Variants in DCAF8L2 observed in about 807,000 individuals in gnomAD.
DCAF8L2 encodes the protein DDB1 and CUL4 associated factor 8 like 2, also known as DDB1- and CUL4-associated factor 8-like protein 2.
For synonymous variants in DCAF8L2, 200 were observed against 190.9 expected (o/e 1.05, Z -0.39); for missense variants, 430 against 490.7 (o/e 0.88, Z 1.17).
In DCAF8L2 at chrX:27,689,226, G is replaced by C. The variant is rs1047902563; in HGVS notation, c.-143+11314G>C. On this transcript the variant is annotated intron_variant, in intron 3 of 4. Coordinates refer to ENST00000451261, the MANE Select transcript of DCAF8L2 (RefSeq NM_001353450.2). ...AAATGTACTCACATATACACCACAA[G>C]ATTGATTGACTGATTGATTGATTGA... 2.7e-5 allele frequency among the ~76,000 whole-genome samples: 3 copies of C among 112,042 alleles called. No homozygotes were observed. The Admixed American group carries it at 2.8e-4, about 11-fold the overall frequency.
At chrX:27,670,258 G>A (rs1175997625) in intron 2 of DCAF8L2, among the ~76,000 whole-genome samples, 1 of 110,322 alleles carries the variant, frequency 9.1e-6, no homozygotes, top group East Asian at 2.9e-4. Flanking sequence ...GTTCAGTCAG[G>A]GCCCCGATTT....
At chrX:27,612,430 GC>G (rs775930362) in intron 1 of DCAF8L2, among the ~76,000 whole-genome samples, 22 of 112,124 alleles carry the variant, frequency 2.0e-4, no homozygotes, top group South Asian at 7.4e-4. Context: ...CTTTTGCTGT[GC>G]AGAAGCTCTT....
At chrX:27,514,397 C>T in the DCAF8L2 span, among the ~76,000 whole-genome samples, 3 of 109,646 alleles carry the variant, frequency 2.7e-5, no homozygotes, top group Non-Finnish European at 3.8e-5. Context: ...CGGCCGCGCG[C>T]GGTGGCTCAC....
the DCAF8L2 span, among the ~76,000 whole-genome samples, chrX:27,487,322 C>T: frequency 8.9e-6 from 1 of 112,019 alleles, no homozygotes; most frequent in Admixed American, 9.5e-5. Context: ...TGCTCCGTCA[C>T]CTAGGCTGGA....
At chrX:27,547,834 TC>T in the DCAF8L2 span, among the ~76,000 whole-genome samples, 1 of 97,103 alleles carries the variant, frequency 1.0e-5, no homozygotes, top group Non-Finnish European at 2.0e-5. Flanking sequence ...TCTCTCTCTC[TC>T]TCTCTCTCTT....
At chrX:27,530,293 A>C in the DCAF8L2 span, among the ~76,000 whole-genome samples, 2 of 110,611 alleles carry the variant, frequency 1.8e-5, no homozygotes, top group Admixed American at 9.7e-5. Flanking sequence ...GTCCCTTGCA[A>C]GATCTTCCCA....
intron 4 of DCAF8L2, among the ~76,000 whole-genome samples, chrX:27,739,427 G>A (rs904572980): frequency 9.0e-6 from 1 of 111,372 alleles, no homozygotes; most frequent in Non-Finnish European, 1.9e-5. Flanking sequence ...TTCTCATATT[G>A]TTCTCCTACA....
chrX:27,506,184 A>G, the DCAF8L2 span, among the ~76,000 whole-genome samples: 4 of 111,874 alleles, frequency 3.6e-5, no homozygotes, highest in African/African-American at 1.3e-4. Flanking sequence ...ATGTTATCAC[A>G]CATTTATAAA....
At chrX:27,697,246 T>G (rs1930958638) in intron 3 of DCAF8L2, among the ~76,000 whole-genome samples, 1 of 111,667 alleles carries the variant, frequency 9.0e-6, no homozygotes. Flanking sequence ...TATTAAATCT[T>G]AAAGCAAATC....
the DCAF8L2 span, among the ~76,000 whole-genome samples, chrX:27,546,170 G>T: frequency 1.9e-5 from 2 of 107,578 alleles, no homozygotes; most frequent in African/African-American, 6.7e-5. Context: ...AAAACGAAGG[G>T]GATACAAGCC....
the DCAF8L2 span, among the ~76,000 whole-genome samples, chrX:27,577,735 A>C: frequency 9.0e-6 from 1 of 111,266 alleles, no homozygotes; most frequent in East Asian, 2.8e-4. Flanking sequence ...CAAAAATCAC[A>C]AGCATTCCTA....
intron 4 of DCAF8L2, among the ~76,000 whole-genome samples, chrX:27,727,159 T>C (rs888874753): frequency 8.9e-6 from 1 of 111,946 alleles, no homozygotes; most frequent in Non-Finnish European, 1.9e-5. Context: ...TGAGCATCTT[T>C]CCATAGGATC....
the DCAF8L2 span, among the ~76,000 whole-genome samples, chrX:27,515,213 T>A: frequency 8.9e-6 from 1 of 111,979 alleles, no homozygotes; most frequent in African/African-American, 3.2e-5. Context: ...ATGAATATTA[T>A]CCAAAATTAG....
At chrX:27,588,488 G>A (rs184049540), upstream of DCAF8L2, among the ~76,000 whole-genome samples, 25 of 111,089 alleles carry the variant, frequency 2.3e-4, no homozygotes, top group East Asian at 6.5e-3. Flanking sequence ...TTTCTTTTGC[G>A]TATGTACCCA....
chrX:27,481,256 T>C, the DCAF8L2 span, among the ~76,000 whole-genome samples: 1 of 110,334 alleles, frequency 9.1e-6, no homozygotes, highest in South Asian at 3.9e-4. Context: ...CAGACGCCTG[T>C]AATCCCAGCT....
At chrX:27,631,076 C>T (rs2147171544) in intron 1 of DCAF8L2, among the ~76,000 whole-genome samples, 1 of 111,600 alleles carries the variant, frequency 9.0e-6, no homozygotes, top group East Asian at 2.8e-4. Context: ...CTTGGGGTTA[C>T]AAGGATGGTT....
At chrX:27,635,786 C>CGTGTGT (rs754830405) in intron 2 of DCAF8L2, among the ~76,000 whole-genome samples, 1,219 of 90,344 alleles carry the variant, frequency 0.013, 31 homozygotes, top group African/African-American at 0.044. Context: ...TTTCCTTTTA[C>CGTGTGT]GTGTGTGTGT....
chrX:27,514,691 A>C, the DCAF8L2 span, among the ~76,000 whole-genome samples: 2 of 76,099 alleles, frequency 2.6e-5, no homozygotes, highest in Non-Finnish European at 4.6e-5. Flanking sequence ...AAAAAAAAAA[A>C]AAAACAAAAA....
the DCAF8L2 span, among the ~76,000 whole-genome samples, chrX:27,507,562 A>G: frequency 8.9e-6 from 1 of 112,018 alleles, no homozygotes; most frequent in Non-Finnish European, 1.9e-5. Context: ...TAGCAGCATT[A>G]TTAATTAAAA....
Sources: gnomAD v4.1 joint callset for allele counts (sites outside exome capture counted in the v4.1 genomes callset) on GRCh38, gnomAD v4.1.1 for gene constraint, MANE v1.5 for transcripts, NCBI Gene and HGNC (gene_info 2026-07-23, HGNC 2026-07-21) for gene names.